Variants in RFX3 observed in about 807,000 individuals in gnomAD.
RFX3 encodes transcription factor RFX3.
Under a neutral mutation model 98.6 loss-of-function variants are expected in RFX3, and 14 were observed. That is an observed-to-expected ratio of 0.14 (90% CI 0.09 to 0.22). The LOEUF is 0.22. Ranked by LOEUF, RFX3 falls within the 10% of genes least tolerant of loss-of-function variation. The pLI, the probability that RFX3 is intolerant of heterozygous loss-of-function variation, is 1.00. For missense variants in RFX3, 639 were observed against 926.9 expected, an observed-to-expected ratio of 0.69 and a Z score of 4.03; for synonymous variants, 383 against 328.4, an observed-to-expected ratio of 1.17 and a Z score of -1.80.
At chr9:3,309,299 C>T (rs1034508160) in intron 4 of RFX3, among the ~76,000 whole-genome samples, 1 of 152,102 alleles carries the variant, frequency 6.6e-6, no homozygotes, top group Non-Finnish European at 1.5e-5. Flanking sequence ...GGAGCTCCAA[C>T]AAAGATATAG....
chr9:3,423,553 C>A (rs1400925746), intron 1 of RFX3, among the ~76,000 whole-genome samples: 1 of 151,738 alleles, frequency 6.6e-6, no homozygotes, highest in East Asian at 1.9e-4. Flanking sequence ...CTTTATTAAT[C>A]CATTTATGTG....
chr9:3,282,133 C>A (rs1019282921), intron 7 of RFX3, among the ~76,000 whole-genome samples: 3 of 151,710 alleles, frequency 2.0e-5, no homozygotes, highest in African/African-American at 7.3e-5. Flanking sequence ...ATCTTGTAAT[C>A]TCTTTGGAAA....
At chr9:3,506,911 A>C (rs1165996679) in intron 1 of RFX3, among the ~76,000 whole-genome samples, 1 of 151,962 alleles carries the variant, frequency 6.6e-6, no homozygotes, top group East Asian at 1.9e-4. Flanking sequence ...AATAAAAGTA[A>C]GACTGCATTG....
intron 5 of RFX3, 21 bp from the exon 6 acceptor site, chr9:3,293,279 A>G (rs761810320): frequency 6.4e-7 from 1 of 1,552,110 alleles, no homozygotes; most frequent in Non-Finnish European, 8.7e-7. Flanking sequence ...AAGACACAAT[A>G]AACACAGACA....
intron 1 of RFX3, among the ~76,000 whole-genome samples, chr9:3,514,707 C>G (rs1817983763): frequency 6.6e-6 from 1 of 152,108 alleles, no homozygotes; most frequent in African/African-American, 2.4e-5. Flanking sequence ...TCTCAGCCTC[C>G]CAATGTGCTG....
At chr9:3,234,044 T>G (rs1483839906) in intron 15 of RFX3, among the ~76,000 whole-genome samples, 1 of 152,170 alleles carries the variant, frequency 6.6e-6, no homozygotes, top group Non-Finnish European at 1.5e-5. Flanking sequence ...GATTTACGGG[T>G]AGGCACATTT....
rs1204809722 is a variant in RFX3, at chr9:3,239,996, C to T, written c.1968+8036G>A. Among the ~76,000 whole-genome samples, 5 of 152,296 alleles carry T rather than the reference C, an allele frequency of 3.3e-5. No homozygotes were observed. The East Asian group carries it at 5.8e-4, about 18-fold the overall frequency. Reference sequence around the variant, plus strand: ...GGGGCAGCTGTTTGCAAAAGGTAGACAAAACTTGAAGACTGGGCTGAGGTG... The same window carrying T: ...GGGGCAGCTGTTTGCAAAAGGTAGATAAAACTTGAAGACTGGGCTGAGGTG... On this transcript the variant is annotated intron_variant, in intron 15 of 16. Coordinates refer to ENST00000617270, the MANE Select transcript of RFX3 (RefSeq NM_001282116.2).
At chr9:3,305,254 T>A (rs1457872158) in intron 4 of RFX3, among the ~76,000 whole-genome samples, 1 of 151,914 alleles carries the variant, frequency 6.6e-6, no homozygotes, top group African/African-American at 2.4e-5. Flanking sequence ...AAAAATAGGT[T>A]GGAAGTAGAT....
intron 15 of RFX3, chr9:3,246,935 T>G (rs957586154): frequency 4.4e-6 from 2 of 459,200 alleles, no homozygotes; most frequent in African/African-American, 2.1e-5. Flanking sequence ...AAGTTTGACA[T>G]GCATTTTATT....
At chr9:3,497,401 A>C (rs1354799634) in intron 1 of RFX3, among the ~76,000 whole-genome samples, 2 of 152,036 alleles carry the variant, frequency 1.3e-5, no homozygotes, top group Non-Finnish European at 2.9e-5. Flanking sequence ...GGATTATTAA[A>C]GGATAAAGAA....
chr9:3,340,613 C>G lies in RFX3; in HGVS notation c.215+6054G>C, dbSNP rs371825078. Among the ~76,000 whole-genome samples the G allele has an allele frequency of 1.1e-4, 16 of 152,234 alleles. No individual in the cohort carries two copies. The East Asian group carries it at 2.5e-3, about 24-fold the overall frequency. ...GCGAAGGATATGAACAGACACTTCT[C>G]GAAAGAAGACATTTATGTAGCCAAA... is the stretch of plus-strand genomic sequence containing the variant. On this transcript the variant is annotated intron_variant, in intron 3 of 16. Coordinates refer to ENST00000617270, the MANE Select transcript of RFX3 (RefSeq NM_001282116.2).
chr9:3,272,854 A>T (rs1824684630), intron 9 of RFX3, among the ~76,000 whole-genome samples: 1 of 152,178 alleles, frequency 6.6e-6, no homozygotes, highest in Non-Finnish European at 1.5e-5. Flanking sequence ...TTGATAAACA[A>T]ATTGTGAGAA....
At chr9:3,412,282 T>C (rs976239882) in intron 1 of RFX3, among the ~76,000 whole-genome samples, 5 of 152,202 alleles carry the variant, frequency 3.3e-5, no homozygotes, top group African/African-American at 1.2e-4. Context: ...GGACAGGCCA[T>C]CAAGGTGACC....
intron 4 of RFX3, among the ~76,000 whole-genome samples, chr9:3,311,795 A>G (rs1423919936): frequency 6.6e-6 from 1 of 152,156 alleles, no homozygotes; most frequent in Non-Finnish European, 1.5e-5. Flanking sequence ...GAGGCAGGAC[A>G]ATCGCTTGAA....
chr9:3,385,409 T>C (rs771769927), intron 2 of RFX3, among the ~76,000 whole-genome samples: 7 of 152,042 alleles, frequency 4.6e-5, no homozygotes, highest in Non-Finnish European at 1.0e-4. Context: ...GTAAGTGATC[T>C]GTTGAAGAAG....
intron 2 of RFX3, among the ~76,000 whole-genome samples, chr9:3,378,902 A>C (rs1490560369): frequency 6.6e-6 from 1 of 152,170 alleles, no homozygotes; most frequent in African/African-American, 2.4e-5. Context: ...CCTAGAATAG[A>C]GATGCTCCAT....
At chr9:3,424,091 G>A (rs1439562669) in intron 1 of RFX3, among the ~76,000 whole-genome samples, 1 of 150,610 alleles carries the variant, frequency 6.6e-6, no homozygotes, top group Non-Finnish European at 1.5e-5. Flanking sequence ...AGCTTGCAGT[G>A]AGCTGAGATC....
chr9:3,249,834 T>A (rs954146275), intron 14 of RFX3, among the ~76,000 whole-genome samples: 6 of 152,086 alleles, frequency 3.9e-5, no homozygotes, highest in Non-Finnish European at 7.4e-5. Flanking sequence ...AACTATACTG[T>A]TACCTACATT....
chr9:3,372,104 C>T (rs1250829730), intron 2 of RFX3, among the ~76,000 whole-genome samples: 1 of 152,224 alleles, frequency 6.6e-6, no homozygotes, highest in African/African-American at 2.4e-5. Context: ...ACTACAGCAA[C>T]TGTATTTCTT....
Sources: allele counts gnomAD v4.1 joint callset (sites outside exome capture counted in the v4.1 genomes callset), GRCh38; gene constraint gnomAD v4.1.1; transcripts MANE v1.5; gene names NCBI Gene and HGNC (gene_info 2026-07-23, HGNC 2026-07-21).